Variants in HDHD5 observed in about 807,000 individuals in gnomAD.
The protein encoded by HDHD5 is haloacid dehalogenase like hydrolase domain containing 5.
In HDHD5, 34 loss-of-function variants were observed where a neutral mutation model predicts 35.5. The observed-to-expected ratio is 0.96, with a 90% CI of 0.73 to 1.28. The LOEUF is 1.28. HDHD5 is among the 50% of genes most tolerant of loss of function. The pLI is 0.00. For synonymous variants in HDHD5, 248 were observed against 240.6 expected, an observed-to-expected ratio of 1.03 and a Z score of -0.29; for missense variants, 589 against 560.2, an observed-to-expected ratio of 1.05 and a Z score of -0.52.
At position 17,147,328 on chromosome 22, in the gene HDHD5, C is replaced by T. The variant is rs192341972; in HGVS notation, c.443+1120G>A. ...GTGAGCTTACAGGCCTTCGATCACA[C>T]GCCATCGCACACGCCCCACACCTGT... On this transcript the variant is annotated intron_variant, in intron 3 of 7. Coordinates refer to ENST00000336737, the MANE Select transcript of HDHD5 (RefSeq NM_033070.3). 2.1e-3 allele frequency among the ~76,000 whole-genome samples: 196 copies of T among 92,998 alleles called. 9 individuals are homozygous for T. The highest frequency in any genetic ancestry group is 8.6e-3 in the African/African-American group (169 of 19,570). The allele number at this position is 92,998 out of a possible 152,430, so 61.0% of individuals were successfully genotyped here. A position where few individuals can be genotyped will look rare whatever the true frequency, so the allele number is the denominator to read the frequency against.
At chr22:17,165,250 A>C (rs1452149315) in exon 1 of HDHD5, 1 of 776,220 alleles carries the variant, frequency 1.3e-6, no homozygotes, top group Non-Finnish European at 2.4e-6. Context: ...TACATGATTT[A>C]GTCCCCTCTC....
Position 17,141,118 on chromosome 22 carries a change from G to A in HDHD5, c.687C>T (p.His229=). 3.8e-6 allele frequency: 6 copies of A among 1,595,802 alleles called. No individual in the cohort carries two copies. Among genetic ancestry groups the A allele is most frequent in the Non-Finnish European group, 5.1e-6 (6 of 1,172,600 alleles). Residue 229 remains histidine (H), a synonymous_variant, in exon 6 of 8, where the codon CAC becomes CAT. Transcript: ENST00000336737. Reference sequence around the variant, plus strand: ...CCATGTTGCTGGCTAGGACGGGGAGGTGGGGGTAGGGGGGTGTTGCCAGGC... The same window carrying A: ...CCATGTTGCTGGCTAGGACGGGGAGATGGGGGTAGGGGGGTGTTGCCAGGC... ...GAGLATPPYP[H]LPVLASNMDL...
At chr22:17,143,253 GGTCAAGCCCAAGCCAA>G in intron 4 of HDHD5, 122 bp from the exon 5 acceptor site, 1 of 1,045,002 alleles carries the variant, frequency 9.6e-7, no homozygotes, top group Non-Finnish European at 1.3e-6. Flanking sequence ...CCACACCCGT[GGTCAAGCCCAAGCCAA>G]GGGAAAGCTG....
At chr22:17,152,817 C>G (rs1055613940) in intron 1 of HDHD5, among the ~76,000 whole-genome samples, 4 of 151,940 alleles carry the variant, frequency 2.6e-5, no homozygotes, top group Non-Finnish European at 5.9e-5. Flanking sequence ...CTGTAATGAT[C>G]CCATCTTCTT....
chr22:17,162,345 T>C (rs1159133634), upstream of HDHD5, among the ~76,000 whole-genome samples: 2 of 152,384 alleles, frequency 1.3e-5, no homozygotes, highest in Non-Finnish European at 2.9e-5. Context: ...TAATTCGTTA[T>C]ACAGCAAAAG....
intron 4 of HDHD5, 112 bp downstream of exon 4, chr22:17,144,912 C>A (rs1239908902): frequency 1.5e-6 from 2 of 1,301,860 alleles, no homozygotes; most frequent in Non-Finnish European, 2.2e-6. Context: ...TCCAAAGAAG[C>A]ATGGACAAAT....
intron 5 of HDHD5, chr22:17,142,002 G>C (rs1459238839): frequency 6.6e-6 from 1 of 152,240 alleles, no homozygotes; most frequent in Non-Finnish European, 1.5e-5. Context: ...GAAGGTTGTG[G>C]GAGGGGGCCA....
intron 3 of HDHD5, among the ~76,000 whole-genome samples, chr22:17,146,149 G>A (rs1307396177): frequency 1.3e-5 from 2 of 151,946 alleles, no homozygotes; most frequent in Non-Finnish European, 2.9e-5. Context: ...CACCCTTCCT[G>A]TTCTTTCCTT....
At position 17,137,758 on chromosome 22, in the gene HDHD5, G is replaced by A. The variant is rs939601508; in HGVS notation, c.*263C>T. 2.0e-5 allele frequency: 9 copies of A among 459,880 alleles called. No individual in the cohort carries two copies. Among genetic ancestry groups the A allele is most frequent in the African/African-American group, 1.8e-4 (9 of 51,332 alleles). The allele number at this position is 459,880 out of a possible 1,614,324, so 28.5% of individuals were successfully genotyped here. The stretch of plus-strand genomic sequence containing the variant: ...GGACACTGAGGCACACAGGGGAAGA[G>A]AATGGCCTGAGGTTAGACTGCCACG... On this transcript the variant is annotated 3_prime_UTR_variant, in exon 8 of 8. Coordinates refer to ENST00000336737, the MANE Select transcript of HDHD5 (RefSeq NM_033070.3).
At chr22:17,159,289 C>CT, upstream of HDHD5, 1 of 1,186,690 alleles carries the variant, frequency 8.4e-7, no homozygotes, top group Non-Finnish European at 1.1e-6. Flanking sequence ...GCGTGCGGCC[C>CT]CCCCCCCCCG....
chr22:17,146,639 G>A (rs879069809), intron 3 of HDHD5, among the ~76,000 whole-genome samples: 2 of 15,974 alleles, frequency 1.3e-4, no homozygotes, highest in African/African-American at 5.0e-4. Flanking sequence ...ACAGGCCTTC[G>A]ATCACACGTC....
chr22:17,160,575 G>C (rs1415687279), upstream of HDHD5, among the ~76,000 whole-genome samples: 2 of 151,666 alleles, frequency 1.3e-5, no homozygotes, highest in African/African-American at 4.8e-5. Flanking sequence ...CTTGAACCCA[G>C]GCAGCAGAAG....
chr22:17,141,290 C>T, intron 5 of HDHD5, 57 bp from the exon 6 acceptor site: 1 of 1,537,478 alleles, frequency 6.5e-7, no homozygotes, highest in Non-Finnish European at 8.7e-7. Flanking sequence ...GCGGCAGGCC[C>T]TCAGGATGCC....
intron 2 of HDHD5, 56 bp from the exon 3 acceptor site, chr22:17,148,616 A>G (rs1294555634): frequency 2.3e-6 from 3 of 1,317,288 alleles, no homozygotes; most frequent in Admixed American, 1.7e-5. Flanking sequence ...GTTGAGGGAA[A>G]TAATGAGACA....
Position 17,138,674 on chromosome 22 carries a change from GC to G in HDHD5, c.810del (p.Glu270AspfsTer2). Reference sequence around the variant, plus strand: ...TTGCCCATCAGGCCCTCGTATCTCAGCTCCTTGCCCGTCACTTTCTGGTAAA... The same window carrying G: ...TTGCCCATCAGGCCCTCGTATCTCAGTCCTTGCCCGTCACTTTCTGGTAAA... ...ETIYQKVTGK[E>X]LRYEGLMGKP... On this transcript the variant is annotated frameshift_variant, in exon 7 of 8. Transcript: ENST00000336737. LOFTEE classifies it high-confidence loss of function. 6.2e-7 allele frequency: 1 copy of G among 1,614,210 alleles called. No homozygotes were observed. Among genetic ancestry groups the G allele is most frequent in the Non-Finnish European group, 8.5e-7 (1 of 1,180,046 alleles).
In HDHD5 at chr22:17,159,235, C is replaced by A. The variant is rs986214161; in HGVS notation, c.17G>T (p.Cys6Phe). 124 of 1,244,428 alleles carry A rather than the reference C, an allele frequency of 1.0e-4. No homozygotes were observed. The highest frequency in any genetic ancestry group is 4.6e-4 in the South Asian group (18 of 39,032). 77.1% of individuals were successfully genotyped at this position (1,244,428 alleles called of 1,614,324 possible). The change falls in exon 1 of 8, where the codon TGT becomes TTT. Residue 6 changes from cysteine (C) to phenylalanine (F), a missense_variant. Transcript: ENST00000336737. Reference protein sequence around the residue: MAAWGCVAALGAARGL... With the variant: MAAWGFVAALGAARGL... ...ACGCGCCGCGCCGAGCGCAGCCACA[C>A]AGCCCCACGCAGCCATCCGGCCGTC...
In HDHD5 at chr22:17,143,107, G is replaced by C. The variant is rs374912416; in HGVS notation, c.562C>G (p.Arg188Gly). Residue 188 changes from arginine to glycine, a missense_variant, in exon 5 of 8, where the codon CGC becomes GGC. Transcript: ENST00000336737. ...TTPLPRNDFP[R>G]IEGVLLLGEP... ...AGAGGACCTCTCTTACCTTCAATGC[G>C]GGGGAAGTCATTCCTCGGGAGGGGC... is the stretch of plus-strand genomic sequence containing the variant. 7.5e-6 allele frequency: 12 copies of C among 1,609,832 alleles called. No homozygotes were observed. The East Asian group carries it at 1.3e-4, about 18-fold the overall frequency.
upstream of HDHD5, among the ~76,000 whole-genome samples, chr22:17,161,258 A>AAG (rs1555882464): frequency 2.7e-5 from 4 of 149,804 alleles, no homozygotes; most frequent in African/African-American, 9.8e-5. Context: ...AAAAAAAAAA[A>AAG]AAAGAAAGAA....
At chr22:17,164,618 A>G (rs2061881357) in intron 1 of HDHD5, among the ~76,000 whole-genome samples, 1 of 152,202 alleles carries the variant, frequency 6.6e-6, no homozygotes, top group African/African-American at 2.4e-5. Context: ...GGAAAGAGAC[A>G]AAAAGGGGTA....
Sources: allele counts gnomAD v4.1 joint callset (sites outside exome capture counted in the v4.1 genomes callset), GRCh38; gene constraint gnomAD v4.1.1; transcripts MANE v1.5; gene names NCBI Gene and HGNC (gene_info 2026-07-23, HGNC 2026-07-21).